Variants in PLEC observed in about 807,000 individuals in gnomAD.
PLEC encodes the protein hemidesmosomal protein 1.
PLEC carries 216 observed loss-of-function variants against 392.8 expected under a neutral mutation model. That is an observed-to-expected ratio of 0.55 (90% confidence interval 0.49 to 0.62). The LOEUF is 0.62. PLEC is among the 20% of genes least tolerant of loss of function. PLEC has a pLI of 0.00. For missense variants in PLEC, 6,863 were observed against 6,563.4 expected (o/e 1.05, Z -1.58); for synonymous variants, 3,621 against 2,980.6 (o/e 1.21, Z -7.00).
intron 10 of PLEC, 33 bp downstream of exon 10, chr8:143,934,602 G>T (rs1554721027): frequency 6.2e-7 from 1 of 1,606,490 alleles, no homozygotes; most frequent in East Asian, 2.2e-5. Flanking sequence ...GGCGTTCCAG[G>T]ACACCACCCA....
Position 143,924,654 on chromosome 8 carries a change from T to C in PLEC, c.5275A>G (p.Lys1759Glu). The C allele has an allele frequency of 6.5e-7, 1 of 1,536,336 alleles. No homozygotes were observed. Among genetic ancestry groups the C allele is most frequent in the South Asian group, 1.2e-5 (1 of 84,314 alleles). Residue 1759 changes from lysine (K) to glutamate (E), a missense_variant, in exon 31 of 32, where the codon AAG (lysine) becomes GAG (glutamate). Transcript: ENST00000345136. ...AGCACCTCCATCTCGGCCCGCACCT[T>C]GGCCAGCTCGGCTTCCAGCTCCTGC... ...KRQELEAELA[K>E]VRAEMEVLLA...
At chr8:143,952,465 GT>G (rs1301746830), upstream of PLEC, among the ~76,000 whole-genome samples, 9 of 152,146 alleles carry the variant, frequency 5.9e-5, no homozygotes, top group African/African-American at 2.2e-4. Flanking sequence ...ACCCACCAGG[GT>G]TGTGGCTTTG....
chr8:143,939,643 G>C (rs916649662), upstream of PLEC: 2 of 1,422,084 alleles, frequency 1.4e-6, no homozygotes, highest in Admixed American at 2.6e-5. Context: ...CGGCGAGGCC[G>C]GCCCGCCCCC....
chr8:143,919,924 C>T lies in PLEC; in HGVS notation c.9897G>A (p.Arg3299=), dbSNP rs781814767. The change falls in exon 32 of 32, where the codon CGG becomes CGA. Residue 3299 remains arginine (R), a synonymous_variant. Coordinates refer to ENST00000345136, the MANE Select transcript of PLEC (RefSeq NM_201384.3). ...GGCCGCTGAAGGACAGCCTCTCCTG[C>T]CGCAGGGTCTCCACCTCCTCCACGA... ...ITIVEEVETL[R]QERLSFSGLR... is the part of the protein sequence containing the mutation. The T allele has an allele frequency of 9.3e-6, 15 of 1,613,246 alleles. No individual in the cohort carries two copies. The highest frequency in any genetic ancestry group is 1.3e-5 in the Non-Finnish European group (15 of 1,180,044).
intron 3 of PLEC, chr8:143,937,539 C>T (rs1205417085): frequency 1.9e-6 from 1 of 527,382 alleles, no homozygotes; most frequent in East Asian, 3.4e-5. Flanking sequence ...AGGGGGGGTC[C>T]TCCTGCCTGG....
At chr8:143,926,598 G>C (rs147470589) in intron 30 of PLEC, among the ~76,000 whole-genome samples, 186 bp downstream of exon 30, 2 of 152,174 alleles carry the variant, frequency 1.3e-5, no homozygotes, top group Non-Finnish European at 2.9e-5. Context: ...ACCAGGCCAG[G>C]GGGGCAGGCC....
At chr8:143,973,709 G>C (rs1179521155), upstream of PLEC, among the ~76,000 whole-genome samples, 2 of 150,994 alleles carry the variant, frequency 1.3e-5, no homozygotes, top group Non-Finnish European at 3.0e-5. The surrounding 1 kb of genome is among the most constrained non-coding windows in gnomAD (Gnocchi z 5.6). Context: ...CCGCACGCAC[G>C]CCCTTTCCCG....
chr8:143,972,918 T>G (rs1833502917), intron 1 of PLEC, among the ~76,000 whole-genome samples: 1 of 151,644 alleles, frequency 6.6e-6, no homozygotes, highest in African/African-American at 2.4e-5. Flanking sequence ...AGAAGGGGTG[T>G]GGGGGGGGTG....
At chr8:143,975,587 C>A (rs552454106), upstream of PLEC, among the ~76,000 whole-genome samples, 82 of 152,020 alleles carry the variant, frequency 5.4e-4, 1 homozygote, top group Admixed American at 3.7e-3. This position sits in a 1 kb window ranked among gnomAD's most constrained non-coding sequence, Gnocchi z 9.9. Flanking sequence ...CTCTCTCCAT[C>A]CATGACTGCC....
chr8:143,954,839 C>T (rs1272956838), upstream of PLEC, among the ~76,000 whole-genome samples: 1 of 152,194 alleles, frequency 6.6e-6, no homozygotes, highest in Non-Finnish European at 1.5e-5. The surrounding 1 kb of genome is among the most constrained non-coding windows in gnomAD (Gnocchi z 4.6). Context: ...ACAGCCTCCA[C>T]AAGATAGAAG....
At chr8:143,937,534 G>A in intron 3 of PLEC, 1 of 535,642 alleles carries the variant, frequency 1.9e-6, no homozygotes, top group Non-Finnish European at 3.4e-6. Context: ...ACTAAAGGGG[G>A]GGTCCTCCTG....
At position 143,923,658 on chromosome 8, in the gene PLEC, C is replaced by A. The variant is rs1554693540; in HGVS notation, c.6271G>T (p.Glu2091Ter). The change falls in exon 31 of 32, where the codon GAG (glutamate) becomes TAG (stop). Residue 2091 changes from glutamate to a stop codon, truncating the protein, a stop_gained. Coordinates refer to ENST00000345136, the MANE Select transcript of PLEC (RefSeq NM_201384.3). LOFTEE classifies it high-confidence loss of function. Reference sequence around the variant, plus strand: ...TGCACCCGGGCCTCCTCCGCCTCCTCAGCCGCCCGCCGGGCCGCCTCCGCC... The same window carrying A: ...TGCACCCGGGCCTCCTCCGCCTCCTAAGCCGCCCGCCGGGCCGCCTCCGCC... ...GEAEAARRAA[E>*]EAEEARVQAE... The A allele has an allele frequency of 6.4e-7, 1 of 1,565,740 alleles. No individual in the cohort carries two copies. Among genetic ancestry groups the A allele is most frequent in the Non-Finnish European group, 8.6e-7 (1 of 1,163,256 alleles).
At chr8:143,944,048 C>G (rs1554730767), upstream of PLEC, 3 of 1,096,188 alleles carry the variant, frequency 2.7e-6, no homozygotes, top group Non-Finnish European at 3.8e-6. Flanking sequence ...GCGGCAGCCC[C>G]ACAACAGCTC....
intron 12 of PLEC, 126 bp from the exon 13 acceptor site, chr8:143,933,477 CT>C: frequency 9.0e-7 from 1 of 1,114,496 alleles, no homozygotes; most frequent in Non-Finnish European, 1.3e-6. Flanking sequence ...CATCCCTGTC[CT>C]TCCCCTTCCC....
upstream of PLEC, among the ~76,000 whole-genome samples, chr8:143,940,043 A>T (rs1830147626): frequency 6.6e-6 from 1 of 152,180 alleles, no homozygotes; most frequent in Non-Finnish European, 1.5e-5. Context: ...GAAGCCGCTG[A>T]TACCTGGCGA....
chr8:143,956,214 C>A (rs1554739235), upstream of PLEC, among the ~76,000 whole-genome samples: 4 of 152,124 alleles, frequency 2.6e-5, no homozygotes, highest in Non-Finnish European at 2.9e-5. Flanking sequence ...TCCCAAAGTG[C>A]TAGGATTACA....
intron 19 of PLEC, 75 bp downstream of exon 19, chr8:143,931,459 G>A: frequency 6.6e-7 from 1 of 1,516,626 alleles, no homozygotes; most frequent in East Asian, 2.4e-5. Context: ...TTGCCCCCTA[G>A]TCTCCAGAGT....
chr8:143,927,989 G>C lies in PLEC; in HGVS notation c.3264C>G (p.Leu1088=), dbSNP rs1554709157. 2.5e-6 allele frequency: 4 copies of C among 1,593,670 alleles called. No individual in the cohort carries two copies. The highest frequency in any genetic ancestry group is 1.7e-4 in the Middle Eastern group (1 of 5,996). ...CGCGGATCACCAGGCTGATGGTCTT[G>C]AGCCTGGCGGGAAAGCGGGGCTCAG... ...RSLSAIYLEK[L]KTISLVIRGT... Residue 1088 remains leucine, a synonymous_variant, in exon 26 of 32, where the codon CTC becomes CTG. Coordinates refer to ENST00000345136, the MANE Select transcript of PLEC (RefSeq NM_201384.3).
intron 19 of PLEC, among the ~76,000 whole-genome samples, chr8:143,930,875 CG>C (rs1322617201): frequency 6.6e-6 from 1 of 152,194 alleles, no homozygotes; most frequent in African/African-American, 2.4e-5. Flanking sequence ...CACCCCTCTG[CG>C]GGGGCCAGGC....
Sources: gnomAD v4.1 joint callset for allele counts (sites outside exome capture counted in the v4.1 genomes callset) on GRCh38, gnomAD v4.1.1 for gene constraint, Gnocchi (gnomAD v3.1) non-coding constraint, MANE v1.5 for transcripts, NCBI Gene and HGNC (gene_info 2026-07-23, HGNC 2026-07-21) for gene names.